RIT2: variants seen among roughly 807,000 people sequenced by gnomAD.
The protein encoded by RIT2 is GTP-binding protein Rit2.
In RIT2, 24 loss-of-function variants were observed where a neutral mutation model predicts 23.7. That is an observed-to-expected ratio of 1.01 (90% CI 0.73 to 1.43). The LOEUF is 1.43. Ranked by LOEUF, RIT2 falls within the 40% of genes most tolerant of loss-of-function variation. The probability of loss-of-function intolerance (pLI) is 0.00; values close to 1 mark genes in which losing one functional copy is unlikely to be tolerated. For synonymous variants in RIT2, 107 were observed against 91.1 expected, an observed-to-expected ratio of 1.17 and a Z score of -0.99; for missense variants, 236 against 266.9, an observed-to-expected ratio of 0.88 and a Z score of 0.81.
At chr18:42,816,491 G>A (rs938388458) in intron 4 of RIT2, among the ~76,000 whole-genome samples, 4 of 152,184 alleles carry the variant, frequency 2.6e-5, no homozygotes, top group East Asian at 1.9e-4. Flanking sequence ...GTCAAGAGAT[G>A]TATTATCTAG....
intron 4 of RIT2, among the ~76,000 whole-genome samples, chr18:42,864,954 A>G (rs1451732277): frequency 9.2e-5 from 14 of 152,164 alleles, no homozygotes. Context: ...TACTAAATGG[A>G]CATTCAGCTG....
chr18:42,798,375 G>A (rs987075843), intron 4 of RIT2, among the ~76,000 whole-genome samples: 1 of 152,182 alleles, frequency 6.6e-6, no homozygotes, highest in Non-Finnish European at 1.5e-5. Flanking sequence ...AAAATTGAAA[G>A]CATTTCTGGC....
At chr18:42,841,643 C>T (rs1352020129) in intron 4 of RIT2, among the ~76,000 whole-genome samples, 2 of 152,128 alleles carry the variant, frequency 1.3e-5, no homozygotes, top group African/African-American at 4.8e-5. Flanking sequence ...TCTCTGTGTA[C>T]TTCCATAGCT....
At chr18:42,892,046 GA>G (rs537286939) in intron 4 of RIT2, among the ~76,000 whole-genome samples, 3 of 149,416 alleles carry the variant, frequency 2.0e-5, no homozygotes, top group Non-Finnish European at 3.0e-5. Flanking sequence ...ATAAACCTAA[GA>G]AAAAAAAACA....
At position 42,761,587 on chromosome 18, in the gene RIT2, A is replaced by G. The variant is rs539963578; in HGVS notation, c.427-17867T>C. Among the ~76,000 whole-genome samples, 14 of 152,328 alleles carry G rather than the reference A, an allele frequency of 9.2e-5. No individual in the cohort carries two copies. The South Asian group carries it at 2.9e-3, about 32-fold the overall frequency. On this transcript the variant is annotated intron_variant, in intron 4 of 4. Coordinates refer to ENST00000326695, the MANE Select transcript of RIT2 (RefSeq NM_002930.4). ...ATAAAGTCCTTCTCTTCTTCCAATTAACACAACTCTTTAAGAATTTCAATT... is the reference window on the plus strand; with the variant it reads ...ATAAAGTCCTTCTCTTCTTCCAATTGACACAACTCTTTAAGAATTTCAATT...
chr18:42,924,222 T>C (rs1219776748), intron 3 of RIT2, among the ~76,000 whole-genome samples: 1 of 152,150 alleles, frequency 6.6e-6, no homozygotes, highest in Non-Finnish European at 1.5e-5. Context: ...GCCATACGTC[T>C]GCCAAGGAAT....
chr18:42,936,515 A>G (rs1005797425), intron 3 of RIT2, among the ~76,000 whole-genome samples: 1 of 152,172 alleles, frequency 6.6e-6, no homozygotes, highest in Non-Finnish European at 1.5e-5. Context: ...GTAATGTTGG[A>G]CTGCTGAAGT....
At chr18:42,925,615 A>G (rs1909160987) in intron 3 of RIT2, among the ~76,000 whole-genome samples, 1 of 151,872 alleles carries the variant, frequency 6.6e-6, no homozygotes, top group African/African-American at 2.4e-5. Flanking sequence ...CTTTTTGAAA[A>G]TTAACAAATA....
At chr18:42,977,563 C>T (rs1469939593) in intron 2 of RIT2, among the ~76,000 whole-genome samples, 1 of 151,830 alleles carries the variant, frequency 6.6e-6, no homozygotes, top group Non-Finnish European at 1.5e-5. Context: ...TGGTGAGTAA[C>T]TCTCACAAAT....
At chr18:42,874,541 A>T (rs1253744783) in intron 4 of RIT2, among the ~76,000 whole-genome samples, 1 of 152,104 alleles carries the variant, frequency 6.6e-6, no homozygotes. Context: ...AAAAAGTAAG[A>T]ATTGGCCAAT....
At chr18:42,749,272 A>T (rs1224495051) in intron 4 of RIT2, among the ~76,000 whole-genome samples, 1 of 151,956 alleles carries the variant, frequency 6.6e-6, no homozygotes, top group Non-Finnish European at 1.5e-5. Flanking sequence ...ATTTGAAACG[A>T]AATGCTAATA....
At chr18:43,108,009 A>AC (rs569098212) in intron 1 of RIT2, among the ~76,000 whole-genome samples, 1 of 16,344 alleles carries the variant, frequency 6.1e-5, no homozygotes, top group Non-Finnish European at 2.1e-4. Context: ...TAAAAATACA[A>AC]AAAAAAAAAA....
chr18:42,794,704 G>A (rs1914116732), intron 4 of RIT2, among the ~76,000 whole-genome samples: 2 of 152,176 alleles, frequency 1.3e-5, no homozygotes, highest in Non-Finnish European at 2.9e-5. Flanking sequence ...TAATAAAAGT[G>A]ATGGAATTAT....
intron 1 of RIT2, among the ~76,000 whole-genome samples, chr18:43,062,280 T>A (rs1912666260): frequency 6.6e-6 from 1 of 152,084 alleles, no homozygotes; most frequent in Non-Finnish European, 1.5e-5. Flanking sequence ...CCTTAAAAAA[T>A]TGAGAGTAAA....
chr18:42,749,835 A>T (rs1913005233), intron 4 of RIT2, among the ~76,000 whole-genome samples: 1 of 151,892 alleles, frequency 6.6e-6, no homozygotes, highest in Non-Finnish European at 1.5e-5. Context: ...CCCATAATTA[A>T]GTCTCTATGA....
chr18:42,964,484 G>A (rs1910165679), intron 3 of RIT2, among the ~76,000 whole-genome samples: 2 of 152,062 alleles, frequency 1.3e-5, no homozygotes, highest in South Asian at 4.1e-4. Flanking sequence ...CTTTACAGGT[G>A]CAGTCACTAC....
intron 1 of RIT2, among the ~76,000 whole-genome samples, chr18:43,057,613 A>T (rs78881165): frequency 0.03 from 4,555 of 152,258 alleles, 97 homozygotes; most frequent in Admixed American, 0.046. Flanking sequence ...ATGCATGCAC[A>T]TGCATTAAAC....
At chr18:43,005,332 C>CT (rs1360985049) in intron 2 of RIT2, among the ~76,000 whole-genome samples, 2 of 151,764 alleles carry the variant, frequency 1.3e-5, no homozygotes, top group African/African-American at 4.8e-5. Context: ...ATTTCTACTT[C>CT]TACATATACA....
chr18:43,008,097 A>G (rs1346074970), intron 2 of RIT2, among the ~76,000 whole-genome samples: 1 of 151,622 alleles, frequency 6.6e-6, no homozygotes, highest in Non-Finnish European at 1.5e-5. Flanking sequence ...GAATGTGGCT[A>G]AATCTTTAGC....
Sources: allele counts gnomAD v4.1 joint callset (sites outside exome capture counted in the v4.1 genomes callset), GRCh38; gene constraint gnomAD v4.1.1; transcripts MANE v1.5; gene names NCBI Gene and HGNC (gene_info 2026-07-23, HGNC 2026-07-21).